The following TAFA1 variants were observed in gnomAD, a reference collection of about 807,000 sequenced individuals.
The protein encoded by TAFA1 is TAFA chemokine like family member 1, also known as chemokine-like protein TAFA-1.
TAFA1 carries 4 observed loss-of-function variants against 18.5 expected under a neutral mutation model. That is an observed-to-expected ratio of 0.22 (90% confidence interval 0.11 to 0.49). The LOEUF is 0.49. Among genes scored for constraint, TAFA1 ranks in the 20% least tolerant of loss-of-function variants. TAFA1 has a pLI of 0.98. For synonymous variants in TAFA1, 56 were observed against 55.2 expected, an observed-to-expected ratio of 1.01 and a Z score of -0.06; for missense variants, 147 against 169.0, an observed-to-expected ratio of 0.87 and a Z score of 0.72.
chr3:68,390,177 G>A (rs182650529), intron 2 of TAFA1, among the ~76,000 whole-genome samples: 94 of 152,206 alleles, frequency 6.2e-4, no homozygotes, highest in African/African-American at 9.6e-4. Context: ...GGGAAGGGGC[G>A]TCCGCCATTA....
chr3:68,032,110 A>G (rs1480719907), intron 2 of TAFA1, among the ~76,000 whole-genome samples: 3 of 151,854 alleles, frequency 2.0e-5, no homozygotes, highest in Non-Finnish European at 4.4e-5. Context: ...TTTTCAGACC[A>G]TTTTGGTTTT....
rs67968765 is a variant in TAFA1 at position 68,121,249 on chromosome 3, A to ATGTGTGTGTG, written c.118+114537_118+114546dup. 1.4e-3 allele frequency among the ~76,000 whole-genome samples: 211 copies of ATGTGTGTGTG among 148,068 alleles called. 2 individuals are homozygous for ATGTGTGTGTG. The highest frequency in any genetic ancestry group is 5.0e-3 in the African/African-American group (201 of 39,970). On this transcript the variant is annotated intron_variant, in intron 2 of 4. Transcript: ENST00000478136. Reference sequence around the variant, plus strand: ...ATTTAGACTTCTCAAATGTACATTAATGTGTGTGTGTGTGTGTGTGTGTGT... The same window carrying ATGTGTGTGTG: ...ATTTAGACTTCTCAAATGTACATTAATGTGTGTGTGTGTGTGTGTGTGTGTGTGTGTGTGT...
intron 2 of TAFA1, among the ~76,000 whole-genome samples, chr3:68,062,471 T>G: frequency 6.6e-6 from 1 of 152,210 alleles, no homozygotes; most frequent in Admixed American, 6.5e-5. Context: ...GAGAATAATT[T>G]ATTCTTGGGA....
At chr3:68,106,982 G>T (rs934110853) in intron 2 of TAFA1, among the ~76,000 whole-genome samples, 2 of 152,136 alleles carry the variant, frequency 1.3e-5, no homozygotes, top group Non-Finnish European at 2.9e-5. Context: ...TTGTTGGTAG[G>T]AATGCAAACT....
chr3:68,255,572 C>G (rs940557501), intron 2 of TAFA1, among the ~76,000 whole-genome samples: 1 of 152,070 alleles, frequency 6.6e-6, no homozygotes, highest in Admixed American at 6.6e-5. Context: ...AATGTTGTCT[C>G]TATGTCCGTT....
chr3:68,455,246 C>T (rs1320353350), intron 3 of TAFA1, among the ~76,000 whole-genome samples: 6 of 151,892 alleles, frequency 4.0e-5, no homozygotes. Context: ...CTTGCTGTCT[C>T]AGGGGTAGAA....
chr3:68,223,586 C>T (rs1271396667), intron 2 of TAFA1, among the ~76,000 whole-genome samples: 3 of 151,632 alleles, frequency 2.0e-5, no homozygotes, highest in African/African-American at 7.3e-5. Flanking sequence ...TAAGCCTTCC[C>T]AGAATTTTAC....
chr3:68,283,035 C>T lies in TAFA1; in HGVS notation c.119-134245C>T, dbSNP rs1446371047. 2.0e-5 allele frequency among the ~76,000 whole-genome samples: 3 copies of T among 152,140 alleles called. No homozygotes were observed. In the East Asian group the frequency reaches 5.8e-4, roughly 29 times the overall value. On this transcript the variant is annotated intron_variant, in intron 2 of 4. Coordinates refer to ENST00000478136, the MANE Select transcript of TAFA1 (RefSeq NM_213609.4). ...AGGAATCCTATTGCATAATATTTTA[C>T]TTTATGGCTGATTTTGGAAGGTAAC...
At chr3:68,284,638 A>G (rs2067962777) in intron 2 of TAFA1, among the ~76,000 whole-genome samples, 1 of 152,182 alleles carries the variant, frequency 6.6e-6, no homozygotes, top group Admixed American at 6.5e-5. Context: ...CAGCAATAAA[A>G]AAGAGCAGGC....
At chr3:68,352,176 G>A (rs1438848444) in intron 2 of TAFA1, among the ~76,000 whole-genome samples, 2 of 151,972 alleles carry the variant, frequency 1.3e-5, no homozygotes, top group Non-Finnish European at 2.9e-5. Context: ...AGCTTGCATA[G>A]GAATATGATA....
chr3:68,278,153 A>T (rs1440955476), intron 2 of TAFA1, among the ~76,000 whole-genome samples: 1 of 152,178 alleles, frequency 6.6e-6, no homozygotes, highest in Non-Finnish European at 1.5e-5. Flanking sequence ...AATTATTTAC[A>T]GTCTCACCAA....
intron 2 of TAFA1, among the ~76,000 whole-genome samples, chr3:68,387,986 A>G (rs72912943): frequency 0.032 from 4,804 of 152,274 alleles, 210 homozygotes; most frequent in East Asian, 0.14. Flanking sequence ...CTGTTCCACT[A>G]AAATAACTCA....
intron 2 of TAFA1, among the ~76,000 whole-genome samples, chr3:68,315,054 G>A (rs2068585118): frequency 6.6e-6 from 1 of 151,728 alleles, no homozygotes; most frequent in Non-Finnish European, 1.5e-5. Context: ...ATAAGTAAAG[G>A]CTCATGGAAT....
intron 2 of TAFA1, among the ~76,000 whole-genome samples, chr3:68,082,333 C>T (rs2064915351): frequency 6.6e-6 from 1 of 152,212 alleles, no homozygotes; most frequent in Non-Finnish European, 1.5e-5. Flanking sequence ...ATCTTGGCTC[C>T]TCCCCCCTGT....
intron 2 of TAFA1, among the ~76,000 whole-genome samples, chr3:68,026,402 T>C (rs934494167): frequency 2.0e-5 from 3 of 151,784 alleles, no homozygotes; most frequent in Non-Finnish European, 2.9e-5. Context: ...AATGGCAAGT[T>C]ACTATGATTT....
intron 2 of TAFA1, among the ~76,000 whole-genome samples, chr3:68,366,100 A>AG (rs1232190551): frequency 4.7e-5 from 7 of 147,788 alleles, no homozygotes; most frequent in Admixed American, 1.3e-4. Flanking sequence ...AAAAAAAAAA[A>AG]AAAAGAAACC....
At chr3:68,301,487 AG>A (rs1575759844) in intron 2 of TAFA1, among the ~76,000 whole-genome samples, 1 of 152,210 alleles carries the variant, frequency 6.6e-6, no homozygotes, top group Admixed American at 6.5e-5. Flanking sequence ...ACAAAACAAG[AG>A]TCTCAGTAAA....
intron 2 of TAFA1, among the ~76,000 whole-genome samples, chr3:68,175,742 C>A (rs1025034580): frequency 3.9e-5 from 6 of 152,046 alleles, no homozygotes; most frequent in African/African-American, 1.4e-4. Flanking sequence ...TGAGTTAATT[C>A]TGAAATGAGT....
rs149501196 is a variant in TAFA1 at position 68,221,234 on chromosome 3, A to C, written c.119-196046A>C. 4.9e-3 allele frequency among the ~76,000 whole-genome samples: 738 copies of C among 152,134 alleles called. 6 individuals are homozygous for C. The highest frequency in any genetic ancestry group is 0.017 in the African/African-American group (711 of 41,508). ...GTTGCTCATCTAATTAACTTTTCTT[A>C]CTGGACTTTGACCTAGGATAAAGAA... On this transcript the variant is annotated intron_variant, in intron 2 of 4. Transcript: ENST00000478136.
Sources: allele counts gnomAD v4.1 joint callset (sites outside exome capture counted in the v4.1 genomes callset), GRCh38; gene constraint gnomAD v4.1.1; transcripts MANE v1.5; gene names NCBI Gene and HGNC (gene_info 2026-07-23, HGNC 2026-07-21).